KIF7: variants seen among roughly 807,000 people sequenced by gnomAD.
KIF7 encodes kinesin family member 7.
In KIF7, 104 loss-of-function variants were observed where a neutral mutation model predicts 135.7. The observed-to-expected ratio is 0.77, with a 90% CI of 0.65 to 0.90. The LOEUF (loss-of-function observed/expected upper bound fraction) is 0.90, where lower values mean the gene tolerates loss of function less well. Among genes scored for constraint, KIF7 ranks in the 40% least tolerant of loss-of-function variants. The probability of loss-of-function intolerance (pLI) is 0.00; values close to 1 mark genes in which losing one functional copy is unlikely to be tolerated. For synonymous variants in KIF7, 883 were observed against 809.4 expected (o/e 1.09, Z -1.54); for missense variants, 2,005 against 1,839.1 (o/e 1.09, Z -1.65).
intron 15 of KIF7, chr15:89,630,786 G>A: frequency 2.0e-6 from 1 of 503,558 alleles, no homozygotes. Context: ...GGTTGGGACA[G>A]CCACGGAGGC....
chr15:89,653,738 T>C (rs1380891469), intron 1 of KIF7, among the ~76,000 whole-genome samples: 1 of 146,926 alleles, frequency 6.8e-6, no homozygotes, highest in Non-Finnish European at 1.5e-5. Context: ...CCTGGCTAAT[T>C]TTATTATTAG....
In KIF7 at chr15:89,652,876, C is replaced by T; in HGVS notation, c.55G>A (p.Ala19Thr). The change falls in exon 2 of 19, where the codon GCC (alanine) becomes ACC (threonine). Residue 19 changes from alanine to threonine, a missense_variant. By Grantham distance (58) the Ala-to-Thr change is moderately conservative. Coordinates refer to ENST00000394412, the MANE Select transcript of KIF7 (RefSeq NM_198525.3). ...GGCAGCAGTGGTCGAACTCGCAGGGCAACCCGCACTGGGGCCTCCTCAGCC... is the reference window on the plus strand; with the variant it reads ...GGCAGCAGTGGTCGAACTCGCAGGGTAACCCGCACTGGGGCCTCCTCAGCC... ...PGAEEAPVRV[A>T]LRVRPLLPKE... is the part of the protein sequence containing the mutation. 1 of 1,543,658 alleles carries T rather than the reference C, an allele frequency of 6.5e-7. No homozygotes were observed.
Position 89,630,482 on chromosome 15 carries a change from C to A in KIF7, c.3123G>T (p.Thr1041=), listed in dbSNP as rs146808726. Residue 1041 remains threonine (T), a synonymous_variant, in exon 16 of 19, where the codon ACG becomes ACT. Coordinates refer to ENST00000394412, the MANE Select transcript of KIF7 (RefSeq NM_198525.3). ...GSLLSPEEER[T]LFQLDEAIEA... Reference sequence around the variant, plus strand: ...CGATGGCCTCATCCAACTGGAACAGCGTCCGCTCCTCCTGCAGAGACGGGC... The same window carrying A: ...CGATGGCCTCATCCAACTGGAACAGAGTCCGCTCCTCCTGCAGAGACGGGC... The A allele has an allele frequency of 6.5e-7, 1 of 1,542,266 alleles. No individual in the cohort carries two copies.
At chr15:89,617,903 A>G (rs12148154) in intron 2 of KIF7, 373,526 of 421,172 alleles carry the variant, frequency 0.89, 166,929 homozygotes, top group African/African-American at 0.96. Flanking sequence ...TATTGGCCAG[A>G]CTGGTCTCGA....
intron 1 of KIF7, chr15:89,619,839 T>C: frequency 6.2e-7 from 1 of 1,610,330 alleles, no homozygotes. Context: ...GCAAGATAAG[T>C]CAGGTAACAT....
At chr15:89,638,822 AGCCT>A (rs1963863175) in intron 11 of KIF7, among the ~76,000 whole-genome samples, 2 of 152,228 alleles carry the variant, frequency 1.3e-5, no homozygotes, top group African/African-American at 2.4e-5. Context: ...ACCAAAAAAG[AGCCT>A]GCATCACCAA....
At chr15:89,634,288 G>A (rs1207437809) in intron 11 of KIF7, among the ~76,000 whole-genome samples, 1 of 152,200 alleles carries the variant, frequency 6.6e-6, no homozygotes, top group Non-Finnish European at 1.5e-5. Flanking sequence ...AACACAGCAA[G>A]ACTCTGACTC....
upstream of KIF7, among the ~76,000 whole-genome samples, chr15:89,657,999 G>A (rs1243117145): frequency 6.6e-6 from 1 of 152,214 alleles, no homozygotes; most frequent in Non-Finnish European, 1.5e-5. Flanking sequence ...CTGGAAACCA[G>A]ATCTATGACA....
chr15:89,632,176 G>A (rs796645071), intron 14 of KIF7, among the ~76,000 whole-genome samples: 2 of 152,200 alleles, frequency 1.3e-5, no homozygotes, highest in South Asian at 4.1e-4. Context: ...GCTGGCAGGA[G>A]CAAGGCTCCT....
chr15:89,651,335 T>A (rs528224446), intron 2 of KIF7, among the ~76,000 whole-genome samples: 1 of 152,120 alleles, frequency 6.6e-6, no homozygotes, highest in South Asian at 2.1e-4. Flanking sequence ...CCTGACCTCA[T>A]GATCTGCCCA....
downstream of KIF7, chr15:89,623,601 A>G: frequency 1.9e-6 from 3 of 1,585,666 alleles, no homozygotes; most frequent in Non-Finnish European, 2.6e-6. Context: ...TCAAGGACTG[A>G]AATAAGCATT....
chr15:89,636,186 C>T (rs1273175737), intron 11 of KIF7, among the ~76,000 whole-genome samples: 2 of 152,044 alleles, frequency 1.3e-5, no homozygotes, highest in Non-Finnish European at 2.9e-5. Context: ...AAGCGCTAAA[C>T]ATGGAAAGGA....
chr15:89,618,139 G>T (rs1387917272), exon 2 of KIF7: 1 of 1,613,900 alleles, frequency 6.2e-7, no homozygotes, highest in South Asian at 1.1e-5. Flanking sequence ...CCTTGTGCAT[G>T]TGGTTCCTCG....
At chr15:89,657,328 A>AAAAAAAAAAG (rs533315174), upstream of KIF7, among the ~76,000 whole-genome samples, 1 of 127,964 alleles carries the variant, frequency 7.8e-6, no homozygotes. Context: ...AAAAAAAAAA[A>AAAAAAAAAAG]AGAGAGAGAG....
downstream of KIF7, chr15:89,624,287 G>A: frequency 6.2e-7 from 1 of 1,614,188 alleles, no homozygotes; most frequent in Non-Finnish European, 8.5e-7. Context: ...AGTCCATTTA[G>A]GAAATCTAAA....
intron 11 of KIF7, among the ~76,000 whole-genome samples, chr15:89,639,291 G>A (rs1221951449): frequency 6.6e-6 from 1 of 151,916 alleles, no homozygotes; most frequent in East Asian, 1.9e-4. Context: ...ATCGACAAAT[G>A]GGATCTAATT....
chr15:89,646,374 G>A (rs1489786404), intron 7 of KIF7, among the ~76,000 whole-genome samples: 2 of 152,168 alleles, frequency 1.3e-5, no homozygotes, highest in African/African-American at 2.4e-5. Context: ...TTTGAGAGCT[G>A]AGATGACCCA....
chr15:89,646,687 C>A, intron 7 of KIF7, 143 bp downstream of exon 7: 1 of 765,940 alleles, frequency 1.3e-6, no homozygotes, highest in Non-Finnish European at 2.3e-6. Flanking sequence ...CCTCTGGGGA[C>A]AGCTGAAAGC....
In KIF7 at chr15:89,628,496, C is replaced by T. The variant is rs749499441; in HGVS notation, c.3955G>A (p.Gly1319Arg). ...VGEAGLPWNFGPLSKPRRELR... is the reference protein window; with the variant it reads ...VGEAGLPWNFRPLSKPRRELR... ...TCCCGCCGGGGCTTGGACAAAGGCC[C>T]AAAGTTCCAGGGCAGGCCTGCCTCA... The change falls in exon 19 of 19, where the codon GGG becomes AGG. Residue 1319 changes from glycine to arginine, a missense_variant. Coordinates refer to ENST00000394412, the MANE Select transcript of KIF7 (RefSeq NM_198525.3). The T allele has an allele frequency of 1.2e-6, 2 of 1,612,584 alleles. No individual in the cohort carries two copies. The highest frequency in any genetic ancestry group is 1.7e-6 in the Non-Finnish European group (2 of 1,179,718).
Sources: allele counts gnomAD v4.1 joint callset (sites outside exome capture counted in the v4.1 genomes callset), GRCh38; gene constraint gnomAD v4.1.1; transcripts MANE v1.5; gene names NCBI Gene and HGNC (gene_info 2026-07-23, HGNC 2026-07-21).